KIF16B: variants seen among roughly 807,000 people sequenced by gnomAD.
KIF16B encodes the protein kinesin family member 16B.
A neutral mutation model predicts 156.3 loss-of-function variants in KIF16B; 98 were observed. The ratio of observed to expected loss-of-function variants is 0.63; its 90% CI spans 0.53 to 0.74. The LOEUF is 0.74. Ranked by LOEUF, KIF16B falls within the 30% of genes least tolerant of loss-of-function variation. The pLI, the probability that KIF16B is intolerant of heterozygous loss-of-function variation, is 0.00. For synonymous variants in KIF16B, 564 were observed against 583.7 expected (o/e 0.97, Z 0.49); for missense variants, 1,421 against 1,606.5 (o/e 0.88, Z 1.97).
chr20:16,284,514 C>CT, intron 25 of KIF16B, among the ~76,000 whole-genome samples: 1 of 152,258 alleles, frequency 6.6e-6, no homozygotes, highest in Middle Eastern at 3.4e-3. Context: ...TTCACTCTCT[C>CT]TTTTTTCACA....
intron 23 of KIF16B, among the ~76,000 whole-genome samples, chr20:16,337,743 G>C (rs992792565): frequency 6.6e-6 from 1 of 152,176 alleles, no homozygotes; most frequent in Non-Finnish European, 1.5e-5. Flanking sequence ...AGCACAATCA[G>C]TGAGGATGTG....
At chr20:16,301,154 C>T (rs1201190309) in intron 25 of KIF16B, among the ~76,000 whole-genome samples, 1 of 152,216 alleles carries the variant, frequency 6.6e-6, no homozygotes, top group African/African-American at 2.4e-5. Context: ...AAAATCTCTT[C>T]ATGGCTTGAA....
At chr20:16,394,014 G>A (rs1457354784) in intron 17 of KIF16B, among the ~76,000 whole-genome samples, 2 of 152,178 alleles carry the variant, frequency 1.3e-5, no homozygotes, top group East Asian at 1.9e-4. Context: ...CCGGTGACAC[G>A]TAATCAAGTT....
intron 24 of KIF16B, 127 bp downstream of exon 24, chr20:16,335,797 CTT>C: frequency 3.5e-6 from 2 of 565,966 alleles, no homozygotes; most frequent in Admixed American, 3.3e-5. Context: ...TGAAGTAAGA[CTT>C]AGTGACACTA....
chr20:16,463,151 G>A (rs913949630), intron 12 of KIF16B, among the ~76,000 whole-genome samples: 1 of 152,128 alleles, frequency 6.6e-6, no homozygotes, highest in East Asian at 1.9e-4. Flanking sequence ...TAAAAGACCT[G>A]CTCAGGAGCC....
intron 1 of KIF16B, among the ~76,000 whole-genome samples, chr20:16,538,720 G>A (rs1228204589): frequency 1.3e-5 from 2 of 152,158 alleles, no homozygotes; most frequent in Non-Finnish European, 2.9e-5. Context: ...TATTGACATA[G>A]TTTCTACATT....
intron 1 of KIF16B, among the ~76,000 whole-genome samples, chr20:16,564,835 T>A (rs1036348218): frequency 6.6e-6 from 1 of 152,012 alleles, no homozygotes; most frequent in African/African-American, 2.4e-5. Context: ...CCCACAACCA[T>A]GGCACTGCCT....
At chr20:16,400,789 T>C (rs538356162) in intron 17 of KIF16B, among the ~76,000 whole-genome samples, 146 of 152,324 alleles carry the variant, frequency 9.6e-4, no homozygotes, top group Non-Finnish European at 1.5e-3. Flanking sequence ...GTGATTCTAC[T>C]TAAGTGGTTA....
chr20:16,516,570 C>T (rs1458564375), intron 3 of KIF16B, among the ~76,000 whole-genome samples: 1 of 152,214 alleles, frequency 6.6e-6, no homozygotes, highest in African/African-American at 2.4e-5. Flanking sequence ...AACAAGGAAG[C>T]TCTGTCAGCT....
chr20:16,495,996 G>A lies in KIF16B; in HGVS notation c.1242+1617C>T, dbSNP rs138937475. Among the ~76,000 whole-genome samples, 10 of 152,176 alleles carry A rather than the reference G, an allele frequency of 6.6e-5. No individual in the cohort carries two copies. In the East Asian group the frequency reaches 1.7e-3, roughly 27 times the overall value. On this transcript the variant is annotated intron_variant, in intron 11 of 25. Coordinates refer to ENST00000354981, the MANE Select transcript of KIF16B (RefSeq NM_024704.5). ...GTGAGCCACTGCACCTGGCCTGCTCGTTTTCACTGGTGTGGTAAGACTGTC... is the reference window on the plus strand; with the variant it reads ...GTGAGCCACTGCACCTGGCCTGCTCATTTTCACTGGTGTGGTAAGACTGTC...
intron 25 of KIF16B, among the ~76,000 whole-genome samples, chr20:16,303,382 A>T (rs568590421): frequency 6.6e-6 from 1 of 152,204 alleles, no homozygotes; most frequent in Non-Finnish European, 1.5e-5. Flanking sequence ...TACTTTTTAC[A>T]TACCATTCTC....
intron 23 of KIF16B, among the ~76,000 whole-genome samples, chr20:16,343,994 A>G (rs2123040330): frequency 6.6e-6 from 1 of 152,310 alleles, no homozygotes; most frequent in East Asian, 1.9e-4. Context: ...AGCGATAACT[A>G]TGTGTGATTT....
chr20:16,484,785 CT>C (rs779993822), intron 12 of KIF16B, among the ~76,000 whole-genome samples: 5 of 152,162 alleles, frequency 3.3e-5, no homozygotes, highest in Non-Finnish European at 7.3e-5. Flanking sequence ...ATTGCAACCC[CT>C]GATCCCAAAT....
At chr20:16,510,394 G>A (rs554861795) in intron 6 of KIF16B, among the ~76,000 whole-genome samples, 1 of 152,308 alleles carries the variant, frequency 6.6e-6, no homozygotes, top group African/African-American at 2.4e-5. Flanking sequence ...GCTCACACCT[G>A]TAATCCCAGC....
At chr20:16,562,968 G>A (rs2071121151) in intron 1 of KIF16B, among the ~76,000 whole-genome samples, 2 of 152,274 alleles carry the variant, frequency 1.3e-5, no homozygotes, top group Admixed American at 6.5e-5. Context: ...TGAATGAGTG[G>A]CCAGAAATAG....
intron 23 of KIF16B, among the ~76,000 whole-genome samples, chr20:16,354,318 C>T (rs948577039): frequency 1.6e-4 from 24 of 152,054 alleles, no homozygotes; most frequent in East Asian, 9.6e-4. Flanking sequence ...TTGCATGTAC[C>T]TCACTGCTGT....
At chr20:16,403,979 C>T (rs1010472868) in intron 17 of KIF16B, among the ~76,000 whole-genome samples, 7 of 152,064 alleles carry the variant, frequency 4.6e-5, no homozygotes, top group Admixed American at 2.6e-4. Context: ...ATGAAACTGA[C>T]GGAGAGCAAA....
intron 15 of KIF16B, 85 bp downstream of exon 15, chr20:16,427,019 A>G: frequency 8.5e-7 from 1 of 1,171,144 alleles, no homozygotes; most frequent in Non-Finnish European, 1.2e-6. Context: ...AATTAATTCT[A>G]AGATGCACAT....
intron 10 of KIF16B, among the ~76,000 whole-genome samples, chr20:16,501,147 A>T (rs999165637): frequency 1.3e-5 from 2 of 151,876 alleles, no homozygotes; most frequent in Non-Finnish European, 1.5e-5. Flanking sequence ...GTATATATCC[A>T]TTAGGATGGT....
Sources: allele counts gnomAD v4.1 joint callset (sites outside exome capture counted in the v4.1 genomes callset), GRCh38; gene constraint gnomAD v4.1.1; transcripts MANE v1.5; gene names NCBI Gene and HGNC (gene_info 2026-07-23, HGNC 2026-07-21).